Variants in KIF21B observed in about 807,000 individuals in gnomAD.
The protein encoded by KIF21B is kinesin-like protein KIF21B.
Under a neutral mutation model 192.9 loss-of-function variants are expected in KIF21B, and 85 were observed. That is an observed-to-expected ratio of 0.44 (90% CI 0.37 to 0.53). KIF21B has a LOEUF of 0.53. KIF21B is among the 20% of genes least tolerant of loss of function. The pLI is 0.00. For missense variants in KIF21B, 1,716 were observed against 2,194.8 expected (o/e 0.78, Z 4.36); for synonymous variants, 832 against 884.6 (o/e 0.94, Z 1.05).
In KIF21B at chr1:200,970,520, A is replaced by G. The variant is rs1027867598; in HGVS notation, c.*3001T>C. ...AAGGCAACTCCATGCGCTGCCTTTG[A>G]GAGTTCTGGCTGCTTCAGAAGAGTC... is the stretch of plus-strand genomic sequence containing the variant. On this transcript the variant is annotated 3_prime_UTR_variant, in exon 35 of 35. Transcript: ENST00000461742. 1 of 152,472 alleles carries G rather than the reference A, an allele frequency of 6.6e-6. No individual in the cohort carries two copies. Among genetic ancestry groups the G allele is most frequent in the African/African-American group, 2.4e-5 (1 of 41,478 alleles). The allele number at this position is 152,472 out of a possible 1,614,324, so 9.4% of individuals were successfully genotyped here. A position where few individuals can be genotyped will look rare whatever the true frequency, so the allele number is the denominator to read the frequency against.
chr1:201,002,314 A>G lies in KIF21B; in HGVS notation c.1249T>C (p.Tyr417His). The G allele has an allele frequency of 6.2e-7, 1 of 1,614,210 alleles. No homozygotes were observed. The highest frequency in any genetic ancestry group is 1.6e-4 in the Middle Eastern group (1 of 6,062). The change falls in exon 9 of 35, where the codon TAT becomes CAT. Residue 417 changes from tyrosine (Y) to histidine (H), a missense_variant. Physicochemically the swap from Tyr to His is moderately conservative, Grantham distance 83. Transcript: ENST00000461742. ...RVIGEDGAEGYSDLFRENAML... is the reference protein window; with the variant it reads ...RVIGEDGAEGHSDLFRENAML... ...GCATTCTCTCGGAACAGATCACTAT[A>G]GCCCTCAGCGCCATCCTCTCCTATC...
In KIF21B at chr1:201,023,178, G is replaced by C. The variant is rs953769345; in HGVS notation, c.41+165C>G. Among the ~76,000 whole-genome samples the C allele has an allele frequency of 2.6e-5, 4 of 152,214 alleles. No individual in the cohort carries two copies. The highest frequency in any genetic ancestry group is 7.2e-5 in the African/African-American group (3 of 41,458). ...GTCGGCGGGGTCGCCGCTCCCCTGC[G>C]GCAGACTGGCCAGCGCGCGGCGCCC... On this transcript the variant is annotated intron_variant, in intron 1 of 34. Coordinates refer to ENST00000461742, the MANE Select transcript of KIF21B (RefSeq NM_001252102.2). This position sits in a 1 kb window ranked among gnomAD's most constrained non-coding sequence, Gnocchi z 5.9.
intron 1 of KIF21B, among the ~76,000 whole-genome samples, chr1:201,020,808 T>TACACATACACACACAC (rs1658775259): frequency 7.0e-6 from 1 of 142,816 alleles, no homozygotes; most frequent in African/African-American, 2.7e-5. Context: ...CTCTCTCCTC[T>TACACATACACACACAC]ACACACACAC....
chr1:200,991,185 C>G, intron 17 of KIF21B, 36 bp from the exon 18 acceptor site: 1 of 1,569,516 alleles, frequency 6.4e-7, no homozygotes, highest in Non-Finnish European at 8.7e-7. Flanking sequence ...AGCCGGTGAG[C>G]AGGGTGGCCT....
chr1:200,973,784 G>A (rs1398456822), intron 34 of KIF21B: 3 of 1,442,264 alleles, frequency 2.1e-6, no homozygotes, highest in South Asian at 1.5e-5. Context: ...GAGGCCCCCA[G>A]GGGAGCTTTG....
At chr1:201,009,054 G>T in intron 2 of KIF21B, 103 bp from the exon 3 acceptor site, 1 of 1,364,862 alleles carries the variant, frequency 7.3e-7, no homozygotes. Context: ...CTCCCAGCCC[G>T]GTTCCCCTGC....
chr1:201,004,306 CCT>C, intron 7 of KIF21B, 32 bp downstream of exon 7: 4 of 1,514,300 alleles, frequency 2.6e-6, no homozygotes, highest in Non-Finnish European at 2.7e-6. Flanking sequence ...CCCTGCCTCC[CCT>C]GTCCCTTCCC....
chr1:200,991,867 C>G (rs1440149822), intron 16 of KIF21B, 142 bp from the exon 17 acceptor site: 3 of 864,366 alleles, frequency 3.5e-6, no homozygotes, highest in Non-Finnish European at 5.4e-6. Context: ...AAAGTGGGAC[C>G]CAGGGTTGAG....
rs1657042017 is a variant in KIF21B at position 200,996,091 on chromosome 1, G to A, written c.2277+105C>T. 6.9e-6 allele frequency: 8 copies of A among 1,163,138 alleles called. No individual in the cohort carries two copies. The Admixed American group carries it at 1.1e-4, about 15-fold the overall frequency. 72.1% of individuals were successfully genotyped at this position (1,163,138 alleles called of 1,614,324 possible). On this transcript the variant is annotated intron_variant, in intron 15 of 34. Coordinates refer to ENST00000461742, the MANE Select transcript of KIF21B (RefSeq NM_001252102.2). ...CTAGGTTAATGCTGTGTGTTGAGAA[G>A]AGAATCCACACTTGACAGCAATGAT...
chr1:200,989,018 T>A, intron 21 of KIF21B, 87 bp from the exon 22 acceptor site: 1 of 1,350,476 alleles, frequency 7.4e-7, no homozygotes. Context: ...TCAAGACACC[T>A]TGGAGTGCTC....
At chr1:200,991,522 G>C (rs554647559) in intron 17 of KIF21B, 135 bp downstream of exon 17, 1 of 887,450 alleles carries the variant, frequency 1.1e-6, no homozygotes, top group South Asian at 1.6e-5. Context: ...TGCCGGCTCT[G>C]GCAGAACTGG....
At chr1:200,978,341 G>A (rs1016877066) in intron 30 of KIF21B, among the ~76,000 whole-genome samples, 8 of 151,488 alleles carry the variant, frequency 5.3e-5, no homozygotes, top group Non-Finnish European at 8.8e-5. Flanking sequence ...GAGCCACTGC[G>A]CCCAGCCTTG....
intron 3 of KIF21B, among the ~76,000 whole-genome samples, chr1:201,006,353 GC>G (rs1398389107): frequency 2.0e-5 from 3 of 152,198 alleles, no homozygotes; most frequent in Non-Finnish European, 4.4e-5. Flanking sequence ...GGAACTGCTG[GC>G]ATGGAAAGTG....
chr1:200,979,513 G>A (rs1239663112), intron 30 of KIF21B, 22 bp downstream of exon 30: 9 of 1,506,866 alleles, frequency 6.0e-6, no homozygotes, highest in Non-Finnish European at 4.4e-6. Context: ...CGACCACTGT[G>A]AGGCAGGCGG....
At chr1:201,005,122 G>C (rs1305250406) in intron 5 of KIF21B, among the ~76,000 whole-genome samples, 186 bp downstream of exon 5, 2 of 152,228 alleles carry the variant, frequency 1.3e-5, no homozygotes, top group Non-Finnish European at 2.9e-5. Context: ...ACAACACCAC[G>C]ATACAGAGAT....
chr1:200,991,173 G>A lies in KIF21B; in HGVS notation c.2455-24C>T, dbSNP rs780938196. On this transcript the variant is annotated intron_variant, in intron 17 of 34. Coordinates refer to ENST00000461742, the MANE Select transcript of KIF21B (RefSeq NM_001252102.2). ...ACCTGGGGCAGCAGGGAGAAAAGAGGGAGCCGGTGAGCAGGGTGGCCTGGA... is the reference window on the plus strand; with the variant it reads ...ACCTGGGGCAGCAGGGAGAAAAGAGAGAGCCGGTGAGCAGGGTGGCCTGGA... 6 of 1,599,626 alleles carry A rather than the reference G, an allele frequency of 3.8e-6. No individual in the cohort carries two copies. In the South Asian group the frequency reaches 6.6e-5, roughly 18 times the overall value.
rs1553235483 is a variant in KIF21B at position 200,972,057 on chromosome 1, TG to T, written c.*1463del. The T allele has an allele frequency of 4.1e-5, 1 of 24,682 alleles. No homozygotes were observed. The highest frequency in any genetic ancestry group is 1.8e-3 in the South Asian group (1 of 564). The allele number at this position is 24,682 out of a possible 1,614,324, so 1.5% of individuals were successfully genotyped here. On this transcript the variant is annotated 3_prime_UTR_variant, in exon 35 of 35. Transcript: ENST00000461742. ...GAAAAACAGGGTGGGCAACTTTGGG[TG>T]GGGGTGGGGCGGGGGAGAGGGATGG...
intron 34 of KIF21B, chr1:200,974,259 G>A (rs1172994759): frequency 2.1e-6 from 3 of 1,454,442 alleles, no homozygotes; most frequent in Non-Finnish European, 2.8e-6. Flanking sequence ...GGAGGGGAGA[G>A]AAGGGACAAA....
At chr1:201,013,004 G>A (rs1258857170) in intron 1 of KIF21B, among the ~76,000 whole-genome samples, 4 of 152,180 alleles carry the variant, frequency 2.6e-5, no homozygotes, top group Admixed American at 2.6e-4. Context: ...TCAGAGCCAT[G>A]GGGGCTCTCT....
Sources: allele counts gnomAD v4.1 joint callset (sites outside exome capture counted in the v4.1 genomes callset), GRCh38; gene constraint gnomAD v4.1.1; non-coding constraint Gnocchi (gnomAD v3.1); transcripts MANE v1.5; gene names NCBI Gene and HGNC (gene_info 2026-07-23, HGNC 2026-07-21).